Variants in GK observed in about 807,000 individuals in gnomAD.
The protein encoded by GK is ATP:glycerol 3-phosphotransferase.
A neutral mutation model predicts 56.4 loss-of-function variants in GK; 9 were observed. The ratio of observed to expected loss-of-function variants is 0.16; its 90% CI spans 0.10 to 0.28. The LOEUF (loss-of-function observed/expected upper bound fraction) is 0.28. Among genes scored for constraint, GK ranks in the 10% least tolerant of loss-of-function variants. The pLI is 1.00. For synonymous variants in GK, 104 were observed against 144.1 expected (o/e 0.72, Z 1.99); for missense variants, 161 against 431.4 (o/e 0.37, Z 5.55).
intron 4 of GK, 139 bp downstream of exon 4, chrX:30,677,591 CTG>C (rs1933995196): frequency 2.0e-6 from 1 of 512,811 alleles, no homozygotes; most frequent in Middle Eastern, 3.4e-4. Flanking sequence ...CTTCGGGAGA[CTG>C]AGGTGGGTGG....
At position 30,696,228 on chromosome X, in the gene GK, T is replaced by C. The variant is rs1033514255; in HGVS notation, c.662+77T>C. The C allele has an allele frequency of 1.5e-5, 9 of 598,292 alleles. No individual in the cohort carries two copies. In the African/African-American group the frequency reaches 2.0e-4, roughly 13 times the overall value. 49.3% of individuals were successfully genotyped at this position (598,292 alleles called of 1,213,427 possible). On this transcript the variant is annotated intron_variant, in intron 7 of 20. Coordinates refer to ENST00000427190, the MANE Select transcript of GK (RefSeq NM_001205019.2). ...TAACCGAAATCTTAATATTTTCAGA[T>C]GTCAGTGGAGCACCAAAATTTAACT...
At position 30,694,467 on chromosome X, in the gene GK, T is replaced by A; in HGVS notation, c.482T>A (p.Val161Glu). 4.2e-6 allele frequency: 5 copies of A among 1,201,759 alleles called. No homozygotes were observed. The highest frequency in any genetic ancestry group is 5.6e-6 in the Non-Finnish European group (5 of 886,271). Residue 161 changes from valine to glutamate, a missense_variant, in exon 6 of 21, where the codon GTG (valine) becomes GAG (glutamate). Physicochemically the swap from Val to Glu is moderately radical, Grantham distance 121. Coordinates refer to ENST00000427190, the MANE Select transcript of GK (RefSeq NM_001205019.2). ...AVKLRWLLDNVRKVQKAVEEK... is the reference protein window; with the variant it reads ...AVKLRWLLDNERKVQKAVEEK... ...AAACTTCGTTGGCTCCTTGACAATG[T>A]GAGAAAAGTTCAAAAGGCCGTTGAA...
intron 13 of GK, 25 bp downstream of exon 13, chrX:30,708,159 A>G: frequency 1.3e-6 from 1 of 751,290 alleles, no homozygotes; most frequent in East Asian, 3.2e-5. Context: ...ATCAATATGG[A>G]TAATATGACA....
chrX:30,723,525 C>T (rs777010617), intron 18 of GK, among the ~76,000 whole-genome samples: 3 of 112,105 alleles, frequency 2.7e-5, no homozygotes, highest in Non-Finnish European at 3.8e-5. Flanking sequence ...TAATTCATTA[C>T]CACTTGTTTG....
chrX:30,669,613 C>T (rs1933342060), intron 3 of GK, among the ~76,000 whole-genome samples: 2 of 112,022 alleles, frequency 1.8e-5, no homozygotes, highest in South Asian at 7.4e-4. Flanking sequence ...TTGCTGTCTA[C>T]TTTATAGCCT....
rs767976350 is a variant in GK at position 30,720,797 on chromosome X, T to C, written c.1358-55T>C. The C allele has an allele frequency of 2.6e-5, 31 of 1,205,972 alleles. No individual in the cohort carries two copies. In the South Asian group the frequency reaches 5.5e-4, roughly 21 times the overall value. On this transcript the variant is annotated intron_variant, in intron 17 of 20. Transcript: ENST00000427190. ...AGAGTAATGTTTCTTGTGGAATAACTAGTTCTTTGGGCATATGTAACCACA... is the reference window on the plus strand; with the variant it reads ...AGAGTAATGTTTCTTGTGGAATAACCAGTTCTTTGGGCATATGTAACCACA...
chrX:30,698,815 G>T (rs1440101898), intron 9 of GK, among the ~76,000 whole-genome samples: 1 of 96,962 alleles, frequency 1.0e-5, no homozygotes, highest in Admixed American at 1.2e-4. Flanking sequence ...GTGGTGAGCC[G>T]AGATGGTGCC....
chrX:30,699,312 AACATGT>A (rs1935500347), intron 9 of GK, among the ~76,000 whole-genome samples: 19 of 50,488 alleles, frequency 3.8e-4, no homozygotes, highest in Non-Finnish European at 7.6e-5. Context: ...GTATATATAT[AACATGT>A]TATATATATA....
chrX:30,712,717 C>CTTTTTTTTT (rs769269247), intron 13 of GK, among the ~76,000 whole-genome samples: 1 of 48,436 alleles, frequency 2.1e-5, no homozygotes, highest in Non-Finnish European at 3.5e-5. Flanking sequence ...TTTTTCTTTT[C>CTTTTTTTTT]TTTTTTTTTT....
intron 3 of GK, chrX:30,671,842 T>C (rs1933528734): frequency 9.0e-6 from 1 of 111,341 alleles, no homozygotes; most frequent in African/African-American, 3.3e-5. Context: ...CAGTAGCAAT[T>C]CCAAAATACA....
At chrX:30,712,663 G>T (rs1459942381) in intron 13 of GK, among the ~76,000 whole-genome samples, 1 of 106,219 alleles carries the variant, frequency 9.4e-6, no homozygotes, top group Non-Finnish European at 1.9e-5. Flanking sequence ...TCTGTGTTAG[G>T]CCGGAATGAA....
intron 1 of GK, among the ~76,000 whole-genome samples, chrX:30,660,526 C>T (rs1046863529): frequency 9.0e-6 from 1 of 111,187 alleles, no homozygotes. Context: ...GTAGTAGCAA[C>T]AATGATAGTG....
rs60771873 is a variant in GK at position 30,684,666 on chromosome X, CAAAAAAAAAAAAAAAAAA to C, written c.338-6446_338-6429del. Among the ~76,000 whole-genome samples the C allele has an allele frequency of 5.2e-4, 17 of 32,399 alleles. No individual in the cohort carries two copies. In the South Asian group the frequency reaches 0.012, roughly 23 times the overall value. The allele number at this position is 32,399 out of a possible 115,157, so 28.1% of individuals were successfully genotyped here. On this transcript the variant is annotated intron_variant, in intron 4 of 20. Transcript: ENST00000427190. ...GGGCAACAAGAGCAAAACTCCATCTCAAAAAAAAAAAAAAAAAAAAAAAAAAAAGCATTCACAGTAGGG... is the reference window on the plus strand; with the variant it reads ...GGGCAACAAGAGCAAAACTCCATCTCAAAAAAAAAAGCATTCACAGTAGGG...
intron 3 of GK, among the ~76,000 whole-genome samples, chrX:30,669,059 T>A (rs1046411466): frequency 9.0e-6 from 1 of 110,826 alleles, no homozygotes; most frequent in Non-Finnish European, 1.9e-5. Flanking sequence ...AGAGAAAGAC[T>A]AGAGGAATGA....
chrX:30,705,917 G>A (rs182040693), intron 11 of GK, among the ~76,000 whole-genome samples: 255 of 112,092 alleles, frequency 2.3e-3, no homozygotes, highest in African/African-American at 7.6e-3. Flanking sequence ...GTACGCTACT[G>A]TTCAGTATAG....
At chrX:30,705,134 A>G (rs941129981) in intron 11 of GK, among the ~76,000 whole-genome samples, 3 of 111,936 alleles carry the variant, frequency 2.7e-5, no homozygotes, top group African/African-American at 9.8e-5. Flanking sequence ...AACAGATGAA[A>G]GTTGTAAAAT....
At chrX:30,698,664 A>G (rs1935370945) in intron 9 of GK, among the ~76,000 whole-genome samples, 1 of 103,273 alleles carries the variant, frequency 9.7e-6, no homozygotes, top group South Asian at 4.6e-4. Flanking sequence ...AGATCGCGCC[A>G]CTGCACTCCA....
intron 1 of GK, among the ~76,000 whole-genome samples, chrX:30,660,908 G>A: frequency 9.4e-6 from 1 of 106,674 alleles, no homozygotes; most frequent in Middle Eastern, 4.8e-3. Context: ...CGCCTCCTGG[G>A]TTCAATCGAT....
chrX:30,719,643 G>T, intron 15 of GK, 128 bp downstream of exon 15: 1 of 472,254 alleles, frequency 2.1e-6, no homozygotes. Context: ...TCTTTTTGGA[G>T]AATATAATTT....
Sources: gnomAD v4.1 joint callset for allele counts (sites outside exome capture counted in the v4.1 genomes callset) on GRCh38, gnomAD v4.1.1 for gene constraint, MANE v1.5 for transcripts, NCBI Gene and HGNC (gene_info 2026-07-23, HGNC 2026-07-21) for gene names.